The following ACTN1 variants were observed in gnomAD, a reference collection of about 807,000 sequenced individuals.
ACTN1 encodes the protein actinin alpha 1.
A neutral mutation model predicts 119.6 loss-of-function variants in ACTN1; 30 were observed. The observed-to-expected ratio is 0.25, with a 90% CI of 0.19 to 0.34. The LOEUF (loss-of-function observed/expected upper bound fraction) is 0.34. ACTN1 is among the 10% of genes least tolerant of loss of function. The pLI, the probability that ACTN1 is intolerant of heterozygous loss-of-function variation, is 1.00. For synonymous variants in ACTN1, 429 were observed against 472.6 expected (o/e 0.91, Z 1.20); for missense variants, 764 against 1,223.4 (o/e 0.62, Z 5.60).
intron 1 of ACTN1, chr14:68,978,651 G>A (rs1259361573): frequency 1.0e-5 from 3 of 295,958 alleles, no homozygotes; most frequent in Non-Finnish European, 1.3e-5. Context: ...GCCCACGCGG[G>A]GATGGTTGCA....
chr14:68,924,500 C>G (rs1046164309), intron 2 of ACTN1, among the ~76,000 whole-genome samples: 2 of 152,230 alleles, frequency 1.3e-5, no homozygotes, highest in African/African-American at 4.8e-5. Context: ...GGTGCCAGCT[C>G]ATGCAGGATT....
chr14:68,977,991 C>T, intron 1 of ACTN1: 2 of 456,222 alleles, frequency 4.4e-6, no homozygotes, highest in South Asian at 1.5e-5. Flanking sequence ...GCGCCCTCCC[C>T]CCACCACCAC....
At chr14:68,944,272 C>T (rs1016081321) in intron 1 of ACTN1, among the ~76,000 whole-genome samples, 1 of 152,190 alleles carries the variant, frequency 6.6e-6, no homozygotes, top group African/African-American at 2.4e-5. Context: ...AAGGGGCCAC[C>T]AAGCCGATGA....
At chr14:68,892,986 T>C (rs1419032703) in intron 9 of ACTN1, among the ~76,000 whole-genome samples, 1 of 152,142 alleles carries the variant, frequency 6.6e-6, no homozygotes, top group Non-Finnish European at 1.5e-5. Flanking sequence ...ACCGAGGCCC[T>C]ACCAGGTCCT....
chr14:68,889,711 G>A (rs572372148), intron 11 of ACTN1, among the ~76,000 whole-genome samples: 5 of 152,342 alleles, frequency 3.3e-5, no homozygotes, highest in Admixed American at 1.3e-4. Flanking sequence ...TTGAACCCAC[G>A]AAGTGGAGGT....
At chr14:68,944,935 G>A (rs2035888003) in intron 1 of ACTN1, among the ~76,000 whole-genome samples, 1 of 148,842 alleles carries the variant, frequency 6.7e-6, no homozygotes, top group African/African-American at 2.4e-5. Flanking sequence ...ATGCGTGTGT[G>A]GAGCAGGTAG....
Position 68,880,165 on chromosome 14 carries a change from GC to G in ACTN1, c.2134-58del. The G allele has an allele frequency of 6.3e-7, 1 of 1,584,680 alleles. No individual in the cohort carries two copies. Reference sequence around the variant, plus strand: ...GGGTCCCAGGCCTGGGCTCCTGGCGGCCCCTGCCCATCCTACTCCCCAACCA... The same window carrying G: ...GGGTCCCAGGCCTGGGCTCCTGGCGGCCCTGCCCATCCTACTCCCCAACCA... On this transcript the variant is annotated intron_variant, in intron 17 of 21. Coordinates refer to ENST00000394419, the MANE Select transcript of ACTN1 (RefSeq NM_001130004.2). The surrounding 1 kb of genome is among the most constrained non-coding windows in gnomAD (Gnocchi z 4.6).
intron 8 of ACTN1, among the ~76,000 whole-genome samples, chr14:68,899,794 G>T (rs2033189825): frequency 6.6e-6 from 1 of 152,220 alleles, no homozygotes; most frequent in Non-Finnish European, 1.5e-5. Context: ...GGAAGAGAAG[G>T]AAGGAGCTTT....
intron 1 of ACTN1, chr14:68,936,613 C>G (rs2035529500): frequency 3.4e-6 from 2 of 582,598 alleles, no homozygotes; most frequent in Non-Finnish European, 6.6e-6. Flanking sequence ...TGACAACCTT[C>G]CAAAAGCACC....
At chr14:68,941,813 G>A (rs1011986966) in intron 1 of ACTN1, among the ~76,000 whole-genome samples, 1 of 152,102 alleles carries the variant, frequency 6.6e-6, no homozygotes, top group Non-Finnish European at 1.5e-5. Context: ...GGACACCTTG[G>A]CACCCAGTGT....
chr14:68,978,097 C>T, intron 1 of ACTN1: 1 of 455,208 alleles, frequency 2.2e-6, no homozygotes, highest in Non-Finnish European at 4.4e-6. Flanking sequence ...GCACCCGGCA[C>T]ACCGCGCCTG....
At position 68,910,053 on chromosome 14, in the gene ACTN1, G is replaced by A. The variant is rs200796181; in HGVS notation, c.428-11C>T. The A allele has an allele frequency of 6.2e-7, 1 of 1,611,946 alleles. No individual in the cohort carries two copies. Among genetic ancestry groups the A allele is most frequent in the East Asian group, 2.2e-5 (1 of 44,854 alleles). On this transcript the variant is annotated splice_polypyrimidine_tract_variant and intron_variant, in intron 4 of 21. Transcript: ENST00000394419. The stretch of plus-strand genomic sequence containing the variant: ...CCTTGGCTGAAGTCTCTATGGGGAA[G>A]GGGATGGGCAGCGAGGTCAGAGGGC...
intron 1 of ACTN1, among the ~76,000 whole-genome samples, chr14:68,942,044 G>A (rs2035777076): frequency 6.6e-6 from 1 of 152,130 alleles, no homozygotes; most frequent in Non-Finnish European, 1.5e-5. Flanking sequence ...CCCGCAGGAT[G>A]CCAGAGATAC....
intron 11 of ACTN1, chr14:68,888,009 C>A: frequency 1.3e-6 from 1 of 749,452 alleles, no homozygotes; most frequent in Non-Finnish European, 2.5e-6. Context: ...GGAGGTTTAA[C>A]TGACAACCGC....
chr14:68,899,471 A>G (rs2033157987), intron 8 of ACTN1, among the ~76,000 whole-genome samples: 1 of 115,084 alleles, frequency 8.7e-6, no homozygotes. Context: ...CTCCACATAC[A>G]CACACCACAC....
chr14:68,943,401 T>C (rs955421249), intron 1 of ACTN1, among the ~76,000 whole-genome samples: 1 of 152,186 alleles, frequency 6.6e-6, no homozygotes, highest in Non-Finnish European at 1.5e-5. Flanking sequence ...CTGTGGTCAG[T>C]GTATTCACAG....
At chr14:68,962,942 C>G (rs1320308913) in intron 1 of ACTN1, among the ~76,000 whole-genome samples, 1 of 152,184 alleles carries the variant, frequency 6.6e-6, no homozygotes, top group African/African-American at 2.4e-5. Context: ...CTAAAGATGC[C>G]CAGAGCTTGT....
At position 68,969,478 on chromosome 14, in the gene ACTN1, T is replaced by C. The variant is rs2036809387; in HGVS notation, c.105+9474A>G. On this transcript the variant is annotated intron_variant, in intron 1 of 21. Transcript: ENST00000394419. ...CCTTACAAAATATCGGGAACTCGAC[T>C]GGAAAGCGCCATTATCTATTATCTG... Among the ~76,000 whole-genome samples the C allele has an allele frequency of 4.6e-5, 7 of 152,346 alleles. No individual in the cohort carries two copies. The South Asian group carries it at 1.2e-3, about 27-fold the overall frequency.
At chr14:68,938,596 C>A (rs1359999244) in intron 1 of ACTN1, among the ~76,000 whole-genome samples, 1 of 152,180 alleles carries the variant, frequency 6.6e-6, no homozygotes, top group African/African-American at 2.4e-5. Context: ...GTTAACCCAG[C>A]AGGTCCTCAC....
Sources: allele counts gnomAD v4.1 joint callset (sites outside exome capture counted in the v4.1 genomes callset), GRCh38; gene constraint gnomAD v4.1.1; non-coding constraint Gnocchi (gnomAD v3.1); transcripts MANE v1.5; gene names NCBI Gene and HGNC (gene_info 2026-07-23, HGNC 2026-07-21).